The following COL25A1 variants were observed in gnomAD, a reference collection of about 807,000 sequenced individuals.
COL25A1 encodes the protein collagen alpha-1(XXV) chain.
Under a neutral mutation model 128.4 loss-of-function variants are expected in COL25A1, and 103 were observed. The ratio of observed to expected loss-of-function variants is 0.80; its 90% CI spans 0.68 to 0.94. COL25A1 has a LOEUF of 0.94. Ranked by LOEUF, COL25A1 falls within the 40% of genes least tolerant of loss-of-function variation. The probability of loss-of-function intolerance (pLI) is 0.00; values close to 1 mark genes in which losing one functional copy is unlikely to be tolerated. For synonymous variants in COL25A1, 279 were observed against 277.2 expected, an observed-to-expected ratio of 1.01 and a Z score of -0.06; for missense variants, 745 against 840.0, an observed-to-expected ratio of 0.89 and a Z score of 1.40.
Position 108,813,937 on chromosome 4 carries a change from A to C in COL25A1, c.1963-8T>G, listed in dbSNP as rs1475720651. On this transcript the variant is annotated splice_polypyrimidine_tract_variant and splice_region_variant and intron_variant, in intron 37 of 37. Transcript: ENST00000399132. ...GAAAGGTTAGATTCATCACTGCAGA[A>C]AAAGACAACAAAAAGACAAATACAT... 11 of 1,589,610 alleles carry C rather than the reference A, an allele frequency of 6.9e-6. No homozygotes were observed. Among genetic ancestry groups the C allele is most frequent in the Non-Finnish European group, 9.5e-6 (11 of 1,159,470 alleles).
intron 3 of COL25A1, among the ~76,000 whole-genome samples, chr4:109,246,016 CAAAAA>C (rs772260651): frequency 0.047 from 3,113 of 65,742 alleles, 107 homozygotes; most frequent in African/African-American, 0.13. Flanking sequence ...TGTTAAAAAG[CAAAAA>C]AAAAAAAAAA....
At chr4:108,864,238 G>C (rs567272351) in intron 20 of COL25A1, among the ~76,000 whole-genome samples, 2 of 152,238 alleles carry the variant, frequency 1.3e-5, no homozygotes, top group East Asian at 3.9e-4. Flanking sequence ...ATTGATAAAG[G>C]CCATCATTAT....
At chr4:108,997,475 ATAAT>A (rs767092518) in intron 6 of COL25A1, among the ~76,000 whole-genome samples, 92 of 152,336 alleles carry the variant, frequency 6.0e-4, no homozygotes, top group Non-Finnish European at 1.1e-3. Context: ...AATTGAGACA[ATAAT>A]TAATAGCCTA....
In COL25A1 at chr4:109,300,663, A is replaced by T. The variant is rs1725425338; in HGVS notation, c.298-11T>A. 6.3e-7 allele frequency: 1 copy of T among 1,589,812 alleles called. No individual in the cohort carries two copies. The highest frequency in any genetic ancestry group is 1.3e-5 in the African/African-American group (1 of 74,406). Reference sequence around the variant, plus strand: ...ATGTTCATAGGATTTCTGTAGGAAAAGAAGAGTTATTAATAATCATCAGTA... The same window carrying T: ...ATGTTCATAGGATTTCTGTAGGAAATGAAGAGTTATTAATAATCATCAGTA... On this transcript the variant is annotated splice_polypyrimidine_tract_variant and intron_variant, in intron 2 of 37. Coordinates refer to ENST00000399132, the MANE Select transcript of COL25A1 (RefSeq NM_198721.4).
At chr4:108,945,658 A>C (rs1748646951) in intron 8 of COL25A1, among the ~76,000 whole-genome samples, 1 of 152,066 alleles carries the variant, frequency 6.6e-6, no homozygotes, top group Non-Finnish European at 1.5e-5. Flanking sequence ...TATTGAAATA[A>C]TTTTTGTTAT....
At chr4:109,086,230 A>G (rs1764359781) in intron 3 of COL25A1, among the ~76,000 whole-genome samples, 1 of 152,222 alleles carries the variant, frequency 6.6e-6, no homozygotes, top group Non-Finnish European at 1.5e-5. Context: ...TGAACCTTTC[A>G]CTATGAATAA....
At chr4:108,831,584 G>A (rs72895099) in intron 32 of COL25A1, among the ~76,000 whole-genome samples, 8,184 of 151,964 alleles carry the variant, frequency 0.054, 717 homozygotes, top group African/African-American at 0.19. Flanking sequence ...CTGGATGGTA[G>A]GGAAATTGAT....
chr4:109,223,702 C>T (rs1034742181), intron 3 of COL25A1, among the ~76,000 whole-genome samples: 3 of 151,764 alleles, frequency 2.0e-5, no homozygotes, highest in Non-Finnish European at 4.4e-5. Flanking sequence ...GGAAAGTGTG[C>T]CCTATCTGCT....
intron 3 of COL25A1, among the ~76,000 whole-genome samples, chr4:109,122,906 T>C (rs1444480895): frequency 6.6e-6 from 1 of 152,072 alleles, no homozygotes; most frequent in Non-Finnish European, 1.5e-5. Context: ...GGAATGACCG[T>C]AGAGCAGACA....
At chr4:108,853,032 G>T in intron 24 of COL25A1, 107 bp from the exon 25 acceptor site, 2 of 936,410 alleles carry the variant, frequency 2.1e-6, no homozygotes, top group South Asian at 1.6e-5. Context: ...TGGCTAGTCT[G>T]ATATCTTAAA....
intron 3 of COL25A1, among the ~76,000 whole-genome samples, chr4:109,226,430 C>A (rs960884877): frequency 6.6e-6 from 1 of 152,040 alleles, no homozygotes; most frequent in African/African-American, 2.4e-5. Flanking sequence ...TTAACTTTCC[C>A]ACTGAAAAAT....
In COL25A1 at chr4:109,210,346, C is replaced by A. The variant is rs578051917; in HGVS notation, c.367+90237G>T. ...ACCTCTGAATGTCTCTGCTCTTCTA[C>A]TTAAAATTTTAAAATTCACTTCTGT... On this transcript the variant is annotated intron_variant, in intron 3 of 37. Coordinates refer to ENST00000399132, the MANE Select transcript of COL25A1 (RefSeq NM_198721.4). Among the ~76,000 whole-genome samples the A allele has an allele frequency of 2.6e-5, 4 of 152,270 alleles. No homozygotes were observed. The South Asian group carries it at 6.2e-4, about 24-fold the overall frequency.
At chr4:108,863,466 G>C in intron 20 of COL25A1, 79 bp from the exon 21 acceptor site, 505 of 1,102,696 alleles carry the variant, frequency 4.6e-4, no homozygotes, top group Non-Finnish European at 6.1e-4. Flanking sequence ...ATGAGTTGAA[G>C]GAAACCAAAG....
At chr4:109,063,417 C>T (rs968685721) in intron 3 of COL25A1, among the ~76,000 whole-genome samples, 4 of 151,464 alleles carry the variant, frequency 2.6e-5, no homozygotes, top group South Asian at 2.1e-4. Flanking sequence ...GCAGGAGAAT[C>T]GCTTGAACCC....
rs1057059443 is a variant in COL25A1 at position 109,301,929 on chromosome 4, T to C, written c.91A>G (p.Met31Val). ...TPAEQHCARTMPPCAVLAALL... is the reference protein window; with the variant it reads ...TPAEQHCARTVPPCAVLAALL... Reference sequence around the variant, plus strand: ...GCCGCCAGGACGGCACACGGGGGCATGGTCCGGGCACAATGCTGTTCGGCA... The same window carrying C: ...GCCGCCAGGACGGCACACGGGGGCACGGTCCGGGCACAATGCTGTTCGGCA... Residue 31 changes from methionine (M) to valine (V), a missense_variant, in exon 2 of 38, where the codon ATG (methionine) becomes GTG (valine). Physicochemically the swap from Met to Val is conservative, Grantham distance 21. Transcript: ENST00000399132. 2.5e-6 allele frequency: 4 copies of C among 1,613,984 alleles called. No homozygotes were observed. The highest frequency in any genetic ancestry group is 3.4e-6 in the Non-Finnish European group (4 of 1,180,032).
At chr4:109,064,187 G>A (rs1475483148) in intron 3 of COL25A1, among the ~76,000 whole-genome samples, 3 of 152,174 alleles carry the variant, frequency 2.0e-5, no homozygotes, top group Non-Finnish European at 4.4e-5. Context: ...TGCCATTAAC[G>A]TGATAGTCAG....
intron 11 of COL25A1, among the ~76,000 whole-genome samples, chr4:108,923,949 G>T (rs1476566751): frequency 1.3e-5 from 2 of 152,058 alleles, no homozygotes; most frequent in Non-Finnish European, 2.9e-5. Context: ...CAGTTAAGAT[G>T]AAAATAATCT....
intron 5 of COL25A1, among the ~76,000 whole-genome samples, chr4:109,026,869 C>T (rs1184321836): frequency 1.3e-5 from 2 of 152,150 alleles, no homozygotes; most frequent in African/African-American, 4.8e-5. Flanking sequence ...GGAGAAAGAA[C>T]ACCATCTTAT....
At chr4:109,244,471 T>A (rs1402915381) in intron 3 of COL25A1, among the ~76,000 whole-genome samples, 1 of 152,140 alleles carries the variant, frequency 6.6e-6, no homozygotes, top group Non-Finnish European at 1.5e-5. Context: ...TTTAAGCAAC[T>A]TTGCAAAGTG....
Sources: gnomAD v4.1 joint callset for allele counts (sites outside exome capture counted in the v4.1 genomes callset) on GRCh38, gnomAD v4.1.1 for gene constraint, MANE v1.5 for transcripts, NCBI Gene and HGNC (gene_info 2026-07-23, HGNC 2026-07-21) for gene names.